SLC4A10: variants seen among roughly 807,000 people sequenced by gnomAD.
SLC4A10 encodes solute carrier family 4 member 10.
Under a neutral mutation model 137.7 loss-of-function variants are expected in SLC4A10, and 42 were observed. That is an observed-to-expected ratio of 0.30 (90% CI 0.24 to 0.39). SLC4A10 has a LOEUF of 0.39. Among genes scored for constraint, SLC4A10 ranks in the 10% least tolerant of loss-of-function variants. The pLI is 1.00. For synonymous variants in SLC4A10, 474 were observed against 464.1 expected (o/e 1.02, Z -0.27); for missense variants, 925 against 1,355.0 (o/e 0.68, Z 4.98).
chr2:161,957,643 A>G (rs188832591), intron 20 of SLC4A10, among the ~76,000 whole-genome samples: 12 of 152,258 alleles, frequency 7.9e-5, no homozygotes, highest in African/African-American at 1.9e-4. Flanking sequence ...TTAATAAGAG[A>G]TAGAGGTGAA....
intron 19 of SLC4A10, among the ~76,000 whole-genome samples, chr2:161,951,552 G>A (rs1694806913): frequency 1.3e-5 from 2 of 152,072 alleles, no homozygotes; most frequent in African/African-American, 4.8e-5. Flanking sequence ...TCATTAAATG[G>A]TTAAAAATAA....
intron 21 of SLC4A10, among the ~76,000 whole-genome samples, chr2:161,962,823 G>A (rs77543478): frequency 6.6e-6 from 1 of 152,018 alleles, no homozygotes. Flanking sequence ...TATACAAGCA[G>A]GTCTTGGTAA....
rs1417646081 is a variant in SLC4A10 at position 161,984,378 on chromosome 2, G to A, written c.*1226G>A. On this transcript the variant is annotated 3_prime_UTR_variant, in exon 27 of 27. Coordinates refer to ENST00000446997, the MANE Select transcript of SLC4A10 (RefSeq NM_001178015.2). ...AGTTTTGGACATTACTAAAAGTACA[G>A]TATTTGATTTCACTTTCAATGAATG... 6.6e-6 allele frequency: 1 copy of A among 152,128 alleles called. No homozygotes were observed. Among genetic ancestry groups the A allele is most frequent in the Non-Finnish European group, 1.5e-5 (1 of 67,988 alleles). 9.4% of individuals were successfully genotyped at this position (152,128 alleles called of 1,614,324 possible).
intron 12 of SLC4A10, among the ~76,000 whole-genome samples, chr2:161,902,624 C>T (rs1362049492): frequency 6.6e-6 from 1 of 152,146 alleles, no homozygotes; most frequent in Non-Finnish European, 1.5e-5. Flanking sequence ...CAACCCTCTC[C>T]TACTCCATAG....
At chr2:161,700,511 A>G (rs1425428572) in intron 1 of SLC4A10, among the ~76,000 whole-genome samples, 2 of 152,138 alleles carry the variant, frequency 1.3e-5, no homozygotes, top group Non-Finnish European at 2.9e-5. Flanking sequence ...TAAATGATCC[A>G]TTGGATCTTC....
At chr2:161,801,566 A>C (rs754732863) in intron 2 of SLC4A10, among the ~76,000 whole-genome samples, 1 of 152,058 alleles carries the variant, frequency 6.6e-6, no homozygotes, top group Non-Finnish European at 1.5e-5. Flanking sequence ...TACAGGAGAG[A>C]AGACAGTATT....
intron 3 of SLC4A10, among the ~76,000 whole-genome samples, chr2:161,835,575 TC>T (rs1175244564): frequency 3.3e-5 from 5 of 152,338 alleles, no homozygotes; most frequent in Non-Finnish European, 7.3e-5. Flanking sequence ...CAGGCAGTTA[TC>T]CCTACAATGG....
At chr2:161,714,092 C>T (rs1217764940) in intron 1 of SLC4A10, among the ~76,000 whole-genome samples, 1 of 151,944 alleles carries the variant, frequency 6.6e-6, no homozygotes, top group Non-Finnish European at 1.5e-5. Context: ...TCATCTGACT[C>T]TATTTTTAGA....
intron 11 of SLC4A10, among the ~76,000 whole-genome samples, chr2:161,895,777 A>T (rs62188814): frequency 0.053 from 8,014 of 151,748 alleles, 297 homozygotes; most frequent in Non-Finnish European, 0.072. Context: ...TTTTTCTTGT[A>T]AATTTGTTTG....
intron 1 of SLC4A10, among the ~76,000 whole-genome samples, chr2:161,769,980 T>G (rs1461011444): frequency 2.0e-5 from 3 of 151,948 alleles, no homozygotes; most frequent in Non-Finnish European, 4.4e-5. Flanking sequence ...CATTTTAAAT[T>G]TAATTTTTTA....
At chr2:161,824,290 A>G (rs1273224506) in intron 3 of SLC4A10, among the ~76,000 whole-genome samples, 1 of 152,208 alleles carries the variant, frequency 6.6e-6, no homozygotes, top group East Asian at 1.9e-4. Flanking sequence ...GAGAACCCCA[A>G]TAGAGAAGAC....
chr2:161,804,740 A>C (rs948797441), intron 3 of SLC4A10, 145 bp downstream of exon 3: 8 of 630,538 alleles, frequency 1.3e-5, no homozygotes, highest in Non-Finnish European at 1.9e-5. Flanking sequence ...GAAGTGGGAG[A>C]GATAAAGCTT....
intron 2 of SLC4A10, among the ~76,000 whole-genome samples, chr2:161,785,866 G>A (rs191874401): frequency 6.6e-6 from 1 of 151,962 alleles, no homozygotes; most frequent in East Asian, 1.9e-4. Flanking sequence ...AATTTTTCAT[G>A]TGCAGATGAG....
At chr2:161,954,748 T>A (rs933379988) in intron 19 of SLC4A10, among the ~76,000 whole-genome samples, 2 of 152,230 alleles carry the variant, frequency 1.3e-5, no homozygotes, top group African/African-American at 4.8e-5. Context: ...GTTATATATT[T>A]ATATATTACA....
intron 1 of SLC4A10, among the ~76,000 whole-genome samples, chr2:161,630,835 G>T (rs1244172556): frequency 6.6e-6 from 1 of 151,734 alleles, no homozygotes; most frequent in Non-Finnish European, 1.5e-5. Flanking sequence ...GAGGTCCAGA[G>T]ATTTGTATAA....
rs543233473 is a variant in SLC4A10, at chr2:161,637,508, C to T, written c.48+12942C>T. Among the ~76,000 whole-genome samples, 196 of 152,050 alleles carry T rather than the reference C, an allele frequency of 1.3e-3. 1 individual carries two copies. The highest frequency in any genetic ancestry group is 4.5e-3 in the African/African-American group (187 of 41,486). On this transcript the variant is annotated intron_variant, in intron 1 of 26. Transcript: ENST00000446997. ...GAGCCACTGTGTCCGGCCTATCTGG[C>T]TTACATTTTTAAATCCACTCATTTA...
rs1700554388 is a variant in SLC4A10 at position 161,984,085 on chromosome 2, C to T, written c.*933C>T. The T allele has an allele frequency of 2.0e-5, 3 of 152,148 alleles. No homozygotes were observed. The highest frequency in any genetic ancestry group is 1.3e-4 in the Admixed American group (2 of 15,280). 9.4% of individuals were successfully genotyped at this position (152,148 alleles called of 1,614,324 possible). On this transcript the variant is annotated 3_prime_UTR_variant, in exon 27 of 27. Transcript: ENST00000446997. ...GTGAATCATTGTATATGAAATTCCA[C>T]TCCTGTACAGTTACTCTGCAGCTAA...
At chr2:161,741,355 A>G (rs751193266) in intron 1 of SLC4A10, among the ~76,000 whole-genome samples, 9 of 151,692 alleles carry the variant, frequency 5.9e-5, no homozygotes, top group Middle Eastern at 3.2e-3. Context: ...CCTAAACTCT[A>G]CTGTTAGCAA....
intron 23 of SLC4A10, among the ~76,000 whole-genome samples, chr2:161,966,743 A>C (rs570644283): frequency 3.3e-5 from 5 of 149,726 alleles, no homozygotes; most frequent in Admixed American, 6.7e-5. Flanking sequence ...CTCAAAAAAA[A>C]AAAAAACAAA....
Sources: allele counts gnomAD v4.1 joint callset (sites outside exome capture counted in the v4.1 genomes callset), GRCh38; gene constraint gnomAD v4.1.1; transcripts MANE v1.5; gene names NCBI Gene and HGNC (gene_info 2026-07-23, HGNC 2026-07-21).